Variants in CAPZA1 observed in about 807,000 individuals in gnomAD.
CAPZA1 encodes F-actin-capping protein subunit alpha-1.
In CAPZA1, 10 loss-of-function variants were observed where a neutral mutation model predicts 40.8. That is an observed-to-expected ratio of 0.25 (90% confidence interval 0.15 to 0.42). The LOEUF is 0.42. Among genes scored for constraint, CAPZA1 ranks in the 10% least tolerant of loss-of-function variants. CAPZA1 has a pLI of 1.00. For synonymous variants in CAPZA1, 98 were observed against 115.0 expected, an observed-to-expected ratio of 0.85 and a Z score of 0.95; for missense variants, 277 against 353.8, an observed-to-expected ratio of 0.78 and a Z score of 1.74.
At chr1:112,645,736 CAA>C (rs34728417) in intron 1 of CAPZA1, among the ~76,000 whole-genome samples, 6,083 of 106,966 alleles carry the variant, frequency 0.057, 212 homozygotes, top group African/African-American at 0.13. Flanking sequence ...CTTGCCAGTG[CAA>C]AAAAAAAAAA....
At chr1:112,667,411 T>C (rs1303810864) in intron 8 of CAPZA1, among the ~76,000 whole-genome samples, 1 of 152,236 alleles carries the variant, frequency 6.6e-6, no homozygotes, top group African/African-American at 2.4e-5. Flanking sequence ...CAGCAATACC[T>C]TCATTCAATA....
At chr1:112,668,190 A>T (rs561807256) in intron 8 of CAPZA1, among the ~76,000 whole-genome samples, 12 of 152,198 alleles carry the variant, frequency 7.9e-5, no homozygotes, top group Admixed American at 2.6e-4. Flanking sequence ...TGGGAGGATC[A>T]CCTCAGCCCA....
chr1:112,647,009 C>A (rs1371236192), intron 1 of CAPZA1, among the ~76,000 whole-genome samples: 2 of 152,016 alleles, frequency 1.3e-5, no homozygotes, highest in Non-Finnish European at 2.9e-5. Flanking sequence ...CGTATATTCC[C>A]AAATCAGAAT....
intron 7 of CAPZA1, among the ~76,000 whole-genome samples, chr1:112,661,219 G>A (rs1391467003): frequency 6.6e-6 from 1 of 152,168 alleles, no homozygotes; most frequent in Non-Finnish European, 1.5e-5. Flanking sequence ...CCTGCAACAA[G>A]TAGCTCCTGG....
chr1:112,669,217 C>T (rs1671782431), intron 8 of CAPZA1, among the ~76,000 whole-genome samples: 2 of 152,144 alleles, frequency 1.3e-5, no homozygotes, highest in South Asian at 2.1e-4. Flanking sequence ...GTCTTTTGGG[C>T]GTACTGTGGT....
At chr1:112,668,516 G>C (rs1671769754) in intron 8 of CAPZA1, among the ~76,000 whole-genome samples, 1 of 152,088 alleles carries the variant, frequency 6.6e-6, no homozygotes, top group East Asian at 1.9e-4. Context: ...TTTTTGAGAT[G>C]AAGTTTCGCT....
intron 7 of CAPZA1, among the ~76,000 whole-genome samples, chr1:112,663,254 G>A (rs1289881323): frequency 6.6e-6 from 1 of 151,496 alleles, no homozygotes; most frequent in Non-Finnish European, 1.5e-5. Flanking sequence ...GTGAGCCACT[G>A]CACCCGGCTC....
At chr1:112,649,676 T>G in intron 3 of CAPZA1, 94 of 512,924 alleles carry the variant, frequency 1.8e-4, no homozygotes, top group East Asian at 3.6e-4. Context: ...ATATATGAAC[T>G]AGTTTTTATT....
intron 1 of CAPZA1, among the ~76,000 whole-genome samples, chr1:112,629,573 C>T (rs1401212529): frequency 1.3e-5 from 2 of 152,200 alleles, no homozygotes; most frequent in African/African-American, 4.8e-5. Context: ...TGTTAACTCT[C>T]ATAGGGCAGT....
intron 1 of CAPZA1, among the ~76,000 whole-genome samples, chr1:112,627,373 G>A (rs545641194): frequency 3.3e-5 from 5 of 152,078 alleles, no homozygotes; most frequent in East Asian, 1.9e-4. Context: ...GGCCAGGTGC[G>A]GTGGTTCACA....
intron 7 of CAPZA1, among the ~76,000 whole-genome samples, chr1:112,660,863 TGAGAAGGAG>T (rs1454634786): frequency 4.0e-5 from 4 of 100,308 alleles, no homozygotes; most frequent in East Asian, 2.6e-4. Context: ...TTTTTTTTTT[TGAGAAGGAG>T]GAGAAGGAGG....
At chr1:112,627,892 G>A (rs780978012) in intron 1 of CAPZA1, among the ~76,000 whole-genome samples, 76 of 151,980 alleles carry the variant, frequency 5.0e-4, no homozygotes, top group Non-Finnish European at 6.8e-4. Context: ...CCCAGGAGAC[G>A]GAGGTTGCAG....
At chr1:112,663,694 A>G (rs1358818766) in intron 7 of CAPZA1, among the ~76,000 whole-genome samples, 2 of 151,666 alleles carry the variant, frequency 1.3e-5, no homozygotes, top group East Asian at 2.0e-4. Context: ...TAGTAGAGAC[A>G]GGGTTTCACC....
intron 3 of CAPZA1, among the ~76,000 whole-genome samples, chr1:112,651,448 G>C (rs893067286): frequency 1.8e-4 from 28 of 152,290 alleles, no homozygotes; most frequent in African/African-American, 6.3e-4. Flanking sequence ...GGTAGCAGTG[G>C]GGGTGGTGGG....
intron 3 of CAPZA1, 89 bp downstream of exon 3, chr1:112,649,558 TAAAA>T: frequency 9.4e-7 from 1 of 1,061,138 alleles, no homozygotes; most frequent in Non-Finnish European, 1.4e-6. Flanking sequence ...AAACAAAGTT[TAAAA>T]TACTTCAAAG....
intron 3 of CAPZA1, 183 bp downstream of exon 3, chr1:112,649,652 C>T (rs987614893): frequency 2.1e-5 from 13 of 605,746 alleles, no homozygotes; most frequent in African/African-American, 2.1e-4. Context: ...TTTACTTCCT[C>T]AAAGCTTACT....
chr1:112,641,886 CAAAAAA>C (rs56057393), intron 1 of CAPZA1, among the ~76,000 whole-genome samples: 2 of 98,110 alleles, frequency 2.0e-5, no homozygotes, highest in East Asian at 6.2e-4. Context: ...GAGACTGTCT[CAAAAAA>C]AAAAAAAAAA....
intron 1 of CAPZA1, among the ~76,000 whole-genome samples, chr1:112,644,876 G>A (rs1671252417): frequency 6.6e-6 from 1 of 152,116 alleles, no homozygotes; most frequent in Admixed American, 6.5e-5. Context: ...GAGCCATTCT[G>A]GAGGATCTTA....
intron 1 of CAPZA1, among the ~76,000 whole-genome samples, chr1:112,642,524 C>T (rs1372216671): frequency 6.6e-6 from 1 of 152,042 alleles, no homozygotes; most frequent in Non-Finnish European, 1.5e-5. Context: ...CGACCACCCT[C>T]TTTTTAATGT....
Sources: gnomAD v4.1 joint callset for allele counts (sites outside exome capture counted in the v4.1 genomes callset) on GRCh38, gnomAD v4.1.1 for gene constraint, MANE v1.5 for transcripts, NCBI Gene and HGNC (gene_info 2026-07-23, HGNC 2026-07-21) for gene names.